The following COL14A1 variants were observed in gnomAD, a reference collection of about 807,000 sequenced individuals.
COL14A1 encodes the protein collagen type XIV alpha 1 chain.
A neutral mutation model predicts 230.3 loss-of-function variants in COL14A1; 136 were observed. The observed-to-expected ratio is 0.59, with a 90% CI of 0.51 to 0.68. COL14A1 has a LOEUF of 0.68. Ranked by LOEUF, COL14A1 falls within the 30% of genes least tolerant of loss-of-function variation. COL14A1 has a pLI of 0.00. For missense variants in COL14A1, 1,976 were observed against 2,215.8 expected (o/e 0.89, Z 2.17); for synonymous variants, 792 against 784.1 (o/e 1.01, Z -0.17).
In COL14A1 at chr8:120,328,547, G is replaced by T. The variant is rs546593452; in HGVS notation, c.4660-3594G>T. Among the ~76,000 whole-genome samples the T allele has an allele frequency of 5.9e-5, 9 of 152,010 alleles. No homozygotes were observed. The South Asian group carries it at 1.9e-3, about 32-fold the overall frequency. On this transcript the variant is annotated intron_variant, in intron 40 of 47. Coordinates refer to ENST00000297848, the MANE Select transcript of COL14A1 (RefSeq NM_021110.4). ...ACACCCAGCTGCAGCCTCCACTTTT[G>T]ATTTGATCACACTGAAGCACTAGCC...
intron 33 of COL14A1, among the ~76,000 whole-genome samples, chr8:120,286,700 A>G (rs1993390): frequency 0.67 from 101,990 of 151,822 alleles, 35,781 homozygotes; most frequent in African/African-American, 0.89. Context: ...TAGTGGAGCC[A>G]GGATTTCACC....
At chr8:120,191,866 A>G (rs1040763584) in intron 5 of COL14A1, among the ~76,000 whole-genome samples, 53 of 152,016 alleles carry the variant, frequency 3.5e-4, no homozygotes, top group Non-Finnish European at 6.8e-4. Flanking sequence ...TAGGATTGCA[A>G]CCCCTGCCTT....
chr8:120,180,683 T>A (rs1406837002), intron 5 of COL14A1, among the ~76,000 whole-genome samples: 1 of 147,398 alleles, frequency 6.8e-6, no homozygotes, highest in African/African-American at 2.5e-5. Flanking sequence ...GCAACCCCAA[T>A]CTCATATGGT....
intron 25 of COL14A1, among the ~76,000 whole-genome samples, chr8:120,268,810 G>A (rs1819574656): frequency 6.6e-6 from 1 of 151,740 alleles, no homozygotes; most frequent in Non-Finnish European, 1.5e-5. Flanking sequence ...CATTTTGAGT[G>A]TATTTTTTAA....
chr8:120,198,080 T>G, intron 7 of COL14A1, 150 bp downstream of exon 7: 1 of 772,310 alleles, frequency 1.3e-6, no homozygotes, highest in Non-Finnish European at 2.0e-6. Flanking sequence ...AACTCAGCAT[T>G]GAGTTAAAAG....
At chr8:120,285,725 ACTTC>A in intron 32 of COL14A1, 132 bp from the exon 33 acceptor site, 1 of 634,826 alleles carries the variant, frequency 1.6e-6, no homozygotes, top group Non-Finnish European at 2.7e-6. Context: ...ACTGTAGAAC[ACTTC>A]CTTACTCATC....
chr8:120,243,014 T>C (rs888018830), intron 19 of COL14A1, among the ~76,000 whole-genome samples: 6 of 152,216 alleles, frequency 3.9e-5, no homozygotes, highest in African/African-American at 1.4e-4. Context: ...AGTCAGTTCT[T>C]ACATCCTAGC....
intron 22 of COL14A1, among the ~76,000 whole-genome samples, chr8:120,253,326 T>G (rs1217185126): frequency 6.6e-6 from 1 of 152,048 alleles, no homozygotes; most frequent in East Asian, 1.9e-4. Flanking sequence ...TTTTTACTGG[T>G]CTCTCTTCTC....
At chr8:120,202,160 T>G (rs1242785296) in intron 8 of COL14A1, among the ~76,000 whole-genome samples, 1 of 152,188 alleles carries the variant, frequency 6.6e-6, no homozygotes. Context: ...AATGGAGAAC[T>G]AATTTATATG....
chr8:120,350,960 A>T (rs981422711), intron 45 of COL14A1, among the ~76,000 whole-genome samples: 1 of 150,850 alleles, frequency 6.6e-6, no homozygotes, highest in Non-Finnish European at 1.5e-5. Flanking sequence ...CACCACACCT[A>T]TTCCAAAATT....
At chr8:120,193,664 G>C (rs945642924) in intron 5 of COL14A1, among the ~76,000 whole-genome samples, 1 of 152,206 alleles carries the variant, frequency 6.6e-6, no homozygotes, top group Non-Finnish European at 1.5e-5. Context: ...GGAGCCTACA[G>C]AGGCAGGCAG....
At chr8:120,125,486 C>G (rs1201314313) in intron 1 of COL14A1, 146 bp downstream of exon 1, 1 of 152,572 alleles carries the variant, frequency 6.6e-6, no homozygotes, top group African/African-American at 2.4e-5. Flanking sequence ...GGACTGGGGA[C>G]CTTTGGGACG....
At chr8:120,282,397 G>T (rs1820066508) in intron 31 of COL14A1, among the ~76,000 whole-genome samples, 1 of 152,034 alleles carries the variant, frequency 6.6e-6, no homozygotes, top group Non-Finnish European at 1.5e-5. Flanking sequence ...GCTTTACCAG[G>T]TTTCTAGATA....
intron 12 of COL14A1, 77 bp from the exon 13 acceptor site, chr8:120,212,371 A>G: frequency 1.4e-6 from 2 of 1,469,278 alleles, no homozygotes; most frequent in South Asian, 2.6e-5. Flanking sequence ...ATGAAGTCTC[A>G]CCTTTGTTCT....
chr8:120,215,482 G>A (rs1223920710), intron 13 of COL14A1, among the ~76,000 whole-genome samples: 4 of 152,130 alleles, frequency 2.6e-5, no homozygotes, highest in South Asian at 2.1e-4. Flanking sequence ...GTGGGTTTAC[G>A]CTGAGGGAGT....
At chr8:120,137,288 T>C (rs1356506764) in intron 1 of COL14A1, among the ~76,000 whole-genome samples, 1 of 152,160 alleles carries the variant, frequency 6.6e-6, no homozygotes, top group African/African-American at 2.4e-5. Flanking sequence ...AATTGTTTTT[T>C]AGTTTGTGAA....
intron 45 of COL14A1, among the ~76,000 whole-genome samples, chr8:120,350,485 G>A (rs1731858867): frequency 6.7e-6 from 1 of 149,384 alleles, no homozygotes; most frequent in African/African-American, 2.5e-5. Context: ...CTGTATTCAG[G>A]AAACCCATCT....
Position 120,168,141 on chromosome 8 carries a change from T to G in COL14A1, c.350-20T>G. The G allele has an allele frequency of 6.5e-7, 1 of 1,527,432 alleles. No individual in the cohort carries two copies. The highest frequency in any genetic ancestry group is 9.1e-7 in the Non-Finnish European group (1 of 1,104,758). The allele number at this position is 1,527,432 out of a possible 1,614,324, so 94.6% of individuals were successfully genotyped here. A position where few individuals can be genotyped will look rare whatever the true frequency, so the allele number is the denominator to read the frequency against. ...TAGATTTTAGTATAACATGGTGCTGTATCTCTACTTTTCTTCCAGTTAAAG... is the reference window on the plus strand; with the variant it reads ...TAGATTTTAGTATAACATGGTGCTGGATCTCTACTTTTCTTCCAGTTAAAG... On this transcript the variant is annotated intron_variant, in intron 4 of 47. Transcript: ENST00000297848.
At chr8:120,155,350 A>G (rs1815436068) in intron 2 of COL14A1, among the ~76,000 whole-genome samples, 1 of 152,208 alleles carries the variant, frequency 6.6e-6, no homozygotes, top group South Asian at 2.1e-4. Context: ...CTAGAACACC[A>G]TCCAGATTAC....
Sources: allele counts gnomAD v4.1 joint callset (sites outside exome capture counted in the v4.1 genomes callset), GRCh38; gene constraint gnomAD v4.1.1; transcripts MANE v1.5; gene names NCBI Gene and HGNC (gene_info 2026-07-23, HGNC 2026-07-21).